Variants in JAKMIP3 observed in about 807,000 individuals in gnomAD.
JAKMIP3 encodes Janus kinase and microtubule interacting protein 3.
In JAKMIP3, 58 loss-of-function variants were observed where a neutral mutation model predicts 118.5. That is an observed-to-expected ratio of 0.49 (90% CI 0.40 to 0.61). The LOEUF (loss-of-function observed/expected upper bound fraction) is 0.61, where lower values mean the gene tolerates loss of function less well. Ranked by LOEUF, JAKMIP3 falls within the 20% of genes least tolerant of loss-of-function variation. JAKMIP3 has a pLI of 0.00. For synonymous variants in JAKMIP3, 486 were observed against 451.2 expected (o/e 1.08, Z -0.98); for missense variants, 950 against 1,109.0 (o/e 0.86, Z 2.04).
chr10:132,166,030 G>GA lies in JAKMIP3; in HGVS notation c.2491-948dup, dbSNP rs569682026. On this transcript the variant is annotated intron_variant, in intron 21 of 23. Transcript: ENST00000684848. The stretch of plus-strand genomic sequence containing the variant: ...GGATATTTGTTTGTATTAAATACTA[G>GA]AAAAATGTGAGGGCTAGGCGTGGTG... 5.7e-3 allele frequency among the ~76,000 whole-genome samples: 869 copies of GA among 152,326 alleles called. 11 individuals carry two copies. The highest frequency in any genetic ancestry group is 0.02 in the African/African-American group (830 of 41,586).
At position 132,109,113 on chromosome 10, in the gene JAKMIP3, C is replaced by CAT. The variant is rs1008242682; in HGVS notation, c.135+4180_135+4181dup. 2.6e-4 allele frequency among the ~76,000 whole-genome samples: 34 copies of CAT among 129,972 alleles called. 1 individual carries two copies. The highest frequency in any genetic ancestry group is 7.2e-4 in the African/African-American group (25 of 34,880). The allele number at this position is 129,972 out of a possible 152,430, so 85.3% of individuals were successfully genotyped here. A position where few individuals can be genotyped will look rare whatever the true frequency, so the allele number is the denominator to read the frequency against. ...ACACACATATATATATACACACACA[C>CAT]ATATATATATACACACACACATATA... On this transcript the variant is annotated intron_variant, in intron 2 of 23. Transcript: ENST00000684848.
At chr10:132,153,650 A>C in intron 17 of JAKMIP3, 109 bp from the exon 18 acceptor site, 3 of 1,043,944 alleles carry the variant, frequency 2.9e-6, no homozygotes, top group Non-Finnish European at 4.5e-6. Flanking sequence ...CTCCCTAAGG[A>C]GAAGAGGAAG....
chr10:132,077,443 C>T (rs1012307519), intron 1 of JAKMIP3, among the ~76,000 whole-genome samples: 15 of 152,298 alleles, frequency 9.8e-5, no homozygotes, highest in African/African-American at 3.6e-4. Context: ...CCCGAAGAGT[C>T]CTCGCCCACT....
chr10:132,134,131 A>G (rs2051239586), intron 4 of JAKMIP3, among the ~76,000 whole-genome samples: 1 of 152,024 alleles, frequency 6.6e-6, no homozygotes, highest in African/African-American at 2.4e-5. Flanking sequence ...CCGCACTCAT[A>G]TCCTCTGTCG....
intron 19 of JAKMIP3, among the ~76,000 whole-genome samples, chr10:132,159,580 G>A (rs1218179952): frequency 1.7e-4 from 21 of 121,192 alleles, no homozygotes; most frequent in Non-Finnish European, 2.2e-4. Flanking sequence ...GTGTCTCCCT[G>A]TGTGATGCTG....
chr10:132,133,167 CCA>C, intron 3 of JAKMIP3, 143 bp from the exon 4 acceptor site: 1 of 703,162 alleles, frequency 1.4e-6, no homozygotes, highest in Middle Eastern at 4.0e-4. Flanking sequence ...CAGCCCAGGG[CCA>C]CGGGCTCCTG....
At position 132,118,368 on chromosome 10, in the gene JAKMIP3, T is replaced by C. The variant is rs2048046080; in HGVS notation, c.633+794T>C. ...TTGTCCTTTGGAGAGGAGACTGTCC[T>C]GTGATTTTGGGGGAAATGGAGCTCT... On this transcript the variant is annotated intron_variant, in intron 3 of 23. Transcript: ENST00000684848. This position sits in a 1 kb window ranked among gnomAD's most constrained non-coding sequence, Gnocchi z 4.8. 6.6e-6 allele frequency among the ~76,000 whole-genome samples: 1 copy of C among 152,184 alleles called. No individual in the cohort carries two copies. The highest frequency in any genetic ancestry group is 6.5e-5 in the Admixed American group (1 of 15,286).
chr10:132,046,207 C>T lies in JAKMIP3; in HGVS notation c.-138+9469C>T, dbSNP rs541496428. 3.7e-4 allele frequency among the ~76,000 whole-genome samples: 57 copies of T among 152,318 alleles called. 1 individual carries two copies. In the South Asian group the frequency reaches 0.011, roughly 29 times the overall value. ...TGGTGGCTCATGCCTGTAATCCCAG[C>T]ACTCTGGGAGGCCGAGGCGGGCAGA... On this transcript the variant is annotated intron_variant, in intron 1 of 23. Transcript: ENST00000657785.
chr10:132,174,146 C>A (rs995504338), intron 23 of JAKMIP3, among the ~76,000 whole-genome samples: 1 of 151,988 alleles, frequency 6.6e-6, no homozygotes, highest in Non-Finnish European at 1.5e-5. Context: ...TCGGTTGTGA[C>A]CCATGCACAG....
intron 1 of JAKMIP3, among the ~76,000 whole-genome samples, chr10:132,048,370 T>TC (rs776218265): frequency 5.8e-4 from 88 of 152,350 alleles, no homozygotes; most frequent in Non-Finnish European, 1.0e-3. Context: ...CACTGGCCTG[T>TC]CGTGCTTTTC....
At chr10:132,106,880 A>G (rs1341194371) in intron 2 of JAKMIP3, among the ~76,000 whole-genome samples, 1 of 152,108 alleles carries the variant, frequency 6.6e-6, no homozygotes, top group Non-Finnish European at 1.5e-5. Context: ...GAGTAAAAAT[A>G]TAACAATTAT....
At chr10:132,113,754 A>C (rs2047210520) in intron 2 of JAKMIP3, among the ~76,000 whole-genome samples, 1 of 152,174 alleles carries the variant, frequency 6.6e-6, no homozygotes, top group South Asian at 2.1e-4. Context: ...TCGGAAACCT[A>C]CCAGGGATTG....
intron 21 of JAKMIP3, among the ~76,000 whole-genome samples, chr10:132,165,080 C>T (rs953518797): frequency 2.0e-5 from 3 of 152,246 alleles, no homozygotes; most frequent in African/African-American, 7.2e-5. Flanking sequence ...ATCACTGAAG[C>T]CTGGGCTGTG....
chr10:132,042,203 C>CTTCCTTCCTTCT (rs1413400592), intron 1 of JAKMIP3, among the ~76,000 whole-genome samples: 24 of 149,986 alleles, frequency 1.6e-4, no homozygotes, highest in Middle Eastern at 3.4e-3. Context: ...TCCTTCCTTC[C>CTTCCTTCCTTCT]TTCCTTCCTT....
At chr10:132,175,184 T>C (rs2060034408) in intron 23 of JAKMIP3, among the ~76,000 whole-genome samples, 1 of 152,224 alleles carries the variant, frequency 6.6e-6, no homozygotes, top group South Asian at 2.1e-4. Context: ...CTTGCCTAAC[T>C]CAAAGTCACA....
chr10:132,105,023 G>A (rs1195021750), intron 2 of JAKMIP3, 80 bp downstream of exon 2: 1 of 1,486,358 alleles, frequency 6.7e-7, no homozygotes, highest in African/African-American at 1.4e-5. Context: ...TCCTGGAGTG[G>A]GTTTGGCCAG....
intron 1 of JAKMIP3, among the ~76,000 whole-genome samples, chr10:132,055,155 T>C (rs1209596615): frequency 6.6e-6 from 1 of 152,176 alleles, no homozygotes; most frequent in Non-Finnish European, 1.5e-5. Context: ...GTTGGACTCT[T>C]AACTGGGAGG....
chr10:132,097,933 TCCCC>T (rs2044189308), intron 1 of JAKMIP3, among the ~76,000 whole-genome samples: 1 of 28,328 alleles, frequency 3.5e-5, no homozygotes, highest in Non-Finnish European at 9.0e-5. Context: ...TCCTTCCCCT[TCCCC>T]TTTCCCTTTC....
chr10:132,117,810 C>T lies in JAKMIP3; in HGVS notation c.633+236C>T, dbSNP rs926525501. Reference sequence around the variant, plus strand: ...GTTCAGACCCACAGTCAGGCCCGCACGGGGCAGGCCAGACTCTCACCTCCC... The same window carrying T: ...GTTCAGACCCACAGTCAGGCCCGCATGGGGCAGGCCAGACTCTCACCTCCC... On this transcript the variant is annotated intron_variant, in intron 3 of 23. Transcript: ENST00000684848. This position sits in a 1 kb window ranked among gnomAD's most constrained non-coding sequence, Gnocchi z 8.6. Among the ~76,000 whole-genome samples, 7 of 152,144 alleles carry T rather than the reference C, an allele frequency of 4.6e-5. No homozygotes were observed. The highest frequency in any genetic ancestry group is 8.8e-5 in the Non-Finnish European group (6 of 68,008).
Sources: allele counts gnomAD v4.1 joint callset (sites outside exome capture counted in the v4.1 genomes callset), GRCh38; gene constraint gnomAD v4.1.1; non-coding constraint Gnocchi (gnomAD v3.1); transcripts MANE v1.5; gene names NCBI Gene and HGNC (gene_info 2026-07-23, HGNC 2026-07-21).